The following AGBL4 variants were observed in gnomAD, a reference collection of about 807,000 sequenced individuals.
AGBL4 encodes cytosolic carboxypeptidase 6.
Under a neutral mutation model 66.4 loss-of-function variants are expected in AGBL4, and 58 were observed. That is an observed-to-expected ratio of 0.87 (90% CI 0.71 to 1.09). AGBL4 has a LOEUF of 1.09. AGBL4 is among the 50% of genes least tolerant of loss of function. AGBL4 has a pLI of 0.00. For missense variants in AGBL4, 579 were observed against 631.0 expected (o/e 0.92, Z 0.88); for synonymous variants, 234 against 222.9 (o/e 1.05, Z -0.44).
At chr1:49,315,736 T>C (rs941788394) in intron 3 of AGBL4, among the ~76,000 whole-genome samples, 2 of 152,060 alleles carry the variant, frequency 1.3e-5, no homozygotes, top group Non-Finnish European at 2.9e-5. Flanking sequence ...CTCCTACCTA[T>C]GATCTAGCAG....
At chr1:48,708,867 G>A (rs1363473883) in intron 6 of AGBL4, among the ~76,000 whole-genome samples, 2 of 152,200 alleles carry the variant, frequency 1.3e-5, no homozygotes, top group Non-Finnish European at 2.9e-5. Flanking sequence ...ATCAGGGGAT[G>A]GCTGCTCCAG....
At chr1:49,902,119 C>T (rs1036446474) in intron 1 of AGBL4, among the ~76,000 whole-genome samples, 3 of 152,106 alleles carry the variant, frequency 2.0e-5, no homozygotes, top group Admixed American at 2.0e-4. Context: ...ATTCTGGACA[C>T]AGAACCTGAC....
intron 4 of AGBL4, among the ~76,000 whole-genome samples, chr1:49,188,928 A>C (rs1450222762): frequency 6.6e-6 from 1 of 152,190 alleles, no homozygotes; most frequent in African/African-American, 2.4e-5. Flanking sequence ...CCAGGGGGTC[A>C]TAGGTTTTAT....
the AGBL4 span, among the ~76,000 whole-genome samples, chr1:48,523,925 A>T: frequency 6.6e-6 from 1 of 152,228 alleles, no homozygotes; most frequent in Non-Finnish European, 1.5e-5. Context: ...TGAATGCTGT[A>T]GGCAATTATA....
At chr1:49,123,346 A>C (rs1241662075) in intron 4 of AGBL4, among the ~76,000 whole-genome samples, 1 of 152,244 alleles carries the variant, frequency 6.6e-6, no homozygotes, top group East Asian at 1.9e-4. Flanking sequence ...AAATTATATT[A>C]GTCAGTTAAT....
chr1:48,783,309 C>T (rs1645339796), intron 6 of AGBL4, among the ~76,000 whole-genome samples: 1 of 152,106 alleles, frequency 6.6e-6, no homozygotes, highest in Admixed American at 6.5e-5. Flanking sequence ...CATATGCACT[C>T]CTGCTCATGA....
chr1:48,666,230 C>T (rs1646185407), intron 6 of AGBL4, among the ~76,000 whole-genome samples: 1 of 151,974 alleles, frequency 6.6e-6, no homozygotes, highest in Non-Finnish European at 1.5e-5. Context: ...GACTACCCCA[C>T]CCCCTCCTGT....
intron 3 of AGBL4, among the ~76,000 whole-genome samples, chr1:49,327,903 T>C (rs1380563005): frequency 6.6e-6 from 1 of 152,178 alleles, no homozygotes; most frequent in Non-Finnish European, 1.5e-5. Context: ...AGGCAGCATG[T>C]CAAGGTAATA....
intron 9 of AGBL4, among the ~76,000 whole-genome samples, chr1:48,625,059 C>A (rs1203075344): frequency 6.6e-6 from 1 of 151,868 alleles, no homozygotes; most frequent in Non-Finnish European, 1.5e-5. Flanking sequence ...AAGGCCTGCA[C>A]CACCATACCC....
chr1:49,362,772 T>A (rs1358375111), intron 3 of AGBL4, among the ~76,000 whole-genome samples: 1 of 152,200 alleles, frequency 6.6e-6, no homozygotes, highest in Non-Finnish European at 1.5e-5. Context: ...CCCAAAGGAA[T>A]GTATCCAGTA....
intron 1 of AGBL4, among the ~76,000 whole-genome samples, chr1:49,950,045 CAT>C (rs1491222048): frequency 1.8e-5 from 2 of 108,588 alleles, no homozygotes; most frequent in Non-Finnish European, 3.9e-5. Context: ...TATATATACA[CAT>C]ATGTGTATAT....
chr1:49,436,010 T>C (rs1645895170), intron 3 of AGBL4, among the ~76,000 whole-genome samples: 2 of 152,220 alleles, frequency 1.3e-5, no homozygotes, highest in Middle Eastern at 3.4e-3. Flanking sequence ...GCTAATGATG[T>C]TTGTGAGAGG....
chr1:48,557,117 C>T (rs367938496), intron 11 of AGBL4, among the ~76,000 whole-genome samples: 1 of 152,132 alleles, frequency 6.6e-6, no homozygotes, highest in African/African-American at 2.4e-5. Flanking sequence ...ACCAGGTTAC[C>T]AAGTTCTGTG....
rs1241937182 is a variant in AGBL4 at position 49,994,870 on chromosome 1, G to A, written c.34+28893C>T. ...CCCCTCCCAATACACATCCTCACTGGGGTACCTGAAGGTCCAGATCATGGG... is the reference window on the plus strand; with the variant it reads ...CCCCTCCCAATACACATCCTCACTGAGGTACCTGAAGGTCCAGATCATGGG... On this transcript the variant is annotated intron_variant, in intron 1 of 13. Transcript: ENST00000371839. 1.2e-5 allele frequency: 4 copies of A among 342,902 alleles called. No homozygotes were observed. The East Asian group carries it at 3.0e-4, about 26-fold the overall frequency. The allele number at this position is 342,902 out of a possible 1,614,324, so 21.2% of individuals were successfully genotyped here. A position where few individuals can be genotyped will look rare whatever the true frequency, so the allele number is the denominator to read the frequency against.
chr1:49,687,111 AT>A (rs1646800777), intron 3 of AGBL4, among the ~76,000 whole-genome samples: 1 of 152,186 alleles, frequency 6.6e-6, no homozygotes, highest in Non-Finnish European at 1.5e-5. Flanking sequence ...CCTAAAGGTA[AT>A]AGAGGGGTAT....
intron 6 of AGBL4, chr1:48,742,537 G>T (rs969233814): frequency 7.7e-6 from 10 of 1,300,276 alleles, no homozygotes; most frequent in Non-Finnish European, 1.0e-5. Flanking sequence ...GTCAAGCTGC[G>T]ATTTGGAAAG....
chr1:48,805,780 C>T (rs191061383), intron 6 of AGBL4, among the ~76,000 whole-genome samples: 1 of 152,290 alleles, frequency 6.6e-6, no homozygotes, highest in East Asian at 1.9e-4. Flanking sequence ...ATCTCATGCT[C>T]TATGACCCCC....
At chr1:49,900,926 T>A (rs1649704442) in intron 1 of AGBL4, among the ~76,000 whole-genome samples, 1 of 152,242 alleles carries the variant, frequency 6.6e-6, no homozygotes, top group South Asian at 2.1e-4. Flanking sequence ...GATACTTTTT[T>A]TAGAGTGTTG....
chr1:49,633,447 G>T (rs895492001), intron 3 of AGBL4, among the ~76,000 whole-genome samples: 4 of 152,104 alleles, frequency 2.6e-5, no homozygotes, highest in African/African-American at 4.8e-5. Context: ...ACTCAAATTA[G>T]ATATATAACA....
Sources: allele counts gnomAD v4.1 joint callset (sites outside exome capture counted in the v4.1 genomes callset), GRCh38; gene constraint gnomAD v4.1.1; transcripts MANE v1.5; gene names NCBI Gene and HGNC (gene_info 2026-07-23, HGNC 2026-07-21).